SLCO6A1: variants seen among roughly 807,000 people sequenced by gnomAD.
SLCO6A1 encodes solute carrier organic anion transporter family member 6A1, also known as cancer/testis antigen 48.
A neutral mutation model predicts 72.7 loss-of-function variants in SLCO6A1; 65 were observed. That is an observed-to-expected ratio of 0.89 (90% confidence interval 0.73 to 1.10). The LOEUF (loss-of-function observed/expected upper bound fraction) is 1.10. Among genes scored for constraint, SLCO6A1 ranks in the 50% least tolerant of loss-of-function variants. The pLI is 0.00. For missense variants in SLCO6A1, 874 were observed against 872.6 expected (o/e 1.00, Z -0.02); for synonymous variants, 314 against 298.2 (o/e 1.05, Z -0.55).
At chr5:102,440,534 TA>T (rs1448266478) in intron 6 of SLCO6A1, among the ~76,000 whole-genome samples, 1 of 151,988 alleles carries the variant, frequency 6.6e-6, no homozygotes, top group Non-Finnish European at 1.5e-5. Context: ...GTAATAATAA[TA>T]GAAATAAAGT....
intron 7 of SLCO6A1, among the ~76,000 whole-genome samples, chr5:102,422,034 A>G (rs1748635004): frequency 6.6e-6 from 1 of 152,238 alleles, no homozygotes; most frequent in Non-Finnish European, 1.5e-5. Context: ...GAGAAGCCTT[A>G]CTGTTAGAAG....
At chr5:102,461,794 C>G (rs146899295) in intron 4 of SLCO6A1, among the ~76,000 whole-genome samples, 3 of 152,102 alleles carry the variant, frequency 2.0e-5, no homozygotes, top group Admixed American at 2.0e-4. Context: ...AACATACAAA[C>G]ACATTTACAA....
At chr5:102,443,500 G>A (rs1749952681) in intron 6 of SLCO6A1, among the ~76,000 whole-genome samples, 1 of 152,136 alleles carries the variant, frequency 6.6e-6, no homozygotes, top group Non-Finnish European at 1.5e-5. Flanking sequence ...TGTCCTTACT[G>A]GACATTGTTC....
At chr5:102,395,402 G>A (rs1289794812) in intron 10 of SLCO6A1, among the ~76,000 whole-genome samples, 2 of 152,010 alleles carry the variant, frequency 1.3e-5, no homozygotes, top group South Asian at 4.2e-4. Context: ...AGTATTCCAC[G>A]GTGTATATGT....
At chr5:102,477,543 T>C (rs1205117147) in intron 3 of SLCO6A1, 133 bp downstream of exon 3, 2 of 675,428 alleles carry the variant, frequency 3.0e-6, no homozygotes, top group Non-Finnish European at 4.8e-6. Flanking sequence ...TTTGGAGGTT[T>C]AGCATACCAA....
At chr5:102,382,634 T>G (rs1408553212) in intron 12 of SLCO6A1, among the ~76,000 whole-genome samples, 4 of 151,642 alleles carry the variant, frequency 2.6e-5, no homozygotes, top group African/African-American at 9.7e-5. Context: ...TATTTCCATC[T>G]ATTAGTGTCT....
intron 6 of SLCO6A1, among the ~76,000 whole-genome samples, chr5:102,453,831 A>G (rs974488517): frequency 1.3e-5 from 2 of 152,104 alleles, no homozygotes; most frequent in Non-Finnish European, 1.5e-5. Flanking sequence ...TAGGGCTTCC[A>G]CTTTTTGCTG....
rs1748084176 is a variant in SLCO6A1, at chr5:102,413,155, A to G, written c.1473-12T>C. 6.4e-7 allele frequency: 1 copy of G among 1,555,436 alleles called. No individual in the cohort carries two copies. Among genetic ancestry groups the G allele is most frequent in the African/African-American group, 1.4e-5 (1 of 71,532 alleles). On this transcript the variant is annotated splice_polypyrimidine_tract_variant and intron_variant, in intron 8 of 13. Transcript: ENST00000506729. The stretch of plus-strand genomic sequence containing the variant: ...CCAACTTCCCTGTTCTGTAAAAACA[A>G]GATTGAATGTAATCATATTACCATT...
intron 7 of SLCO6A1, among the ~76,000 whole-genome samples, chr5:102,420,932 G>A (rs1428193480): frequency 6.6e-6 from 1 of 152,072 alleles, no homozygotes; most frequent in Non-Finnish European, 1.5e-5. Flanking sequence ...TCATCTCACC[G>A]GGACTCATTA....
chr5:102,382,788 T>C (rs1007356440), intron 12 of SLCO6A1, among the ~76,000 whole-genome samples: 23 of 151,378 alleles, frequency 1.5e-4, no homozygotes, highest in African/African-American at 5.6e-4. Flanking sequence ...ATAGTTCTTG[T>C]TAGTTGTAGA....
At chr5:102,448,302 A>AT (rs1274863406) in intron 6 of SLCO6A1, among the ~76,000 whole-genome samples, 1 of 152,164 alleles carries the variant, frequency 6.6e-6, no homozygotes, top group African/African-American at 2.4e-5. Flanking sequence ...TGCGTGGTCA[A>AT]TTTTAGAGGA....
intron 4 of SLCO6A1, among the ~76,000 whole-genome samples, chr5:102,460,685 G>A (rs1750979318): frequency 6.6e-6 from 1 of 151,932 alleles, no homozygotes; most frequent in Non-Finnish European, 1.5e-5. Flanking sequence ...AGAAACCATA[G>A]TTTTGGAAGT....
At chr5:102,431,707 G>A (rs1394213596) in intron 7 of SLCO6A1, among the ~76,000 whole-genome samples, 2 of 152,160 alleles carry the variant, frequency 1.3e-5, no homozygotes, top group African/African-American at 4.8e-5. Flanking sequence ...TGTATATTCT[G>A]TTGTTTTTTT....
At chr5:102,431,871 C>A (rs564870819) in intron 7 of SLCO6A1, among the ~76,000 whole-genome samples, 1 of 152,228 alleles carries the variant, frequency 6.6e-6, no homozygotes, top group African/African-American at 2.4e-5. Flanking sequence ...GGGTCTAAGG[C>A]TCTTTGAAGG....
intron 7 of SLCO6A1, among the ~76,000 whole-genome samples, chr5:102,420,949 G>A (rs538107904): frequency 2.0e-5 from 3 of 152,236 alleles, no homozygotes; most frequent in East Asian, 1.9e-4. Flanking sequence ...ATTAGATAGC[G>A]GGTGTAGCCC....
At position 102,388,814 on chromosome 5, in the gene SLCO6A1, C is replaced by A; in HGVS notation, c.1891G>T (p.Gly631Ter). 1 of 1,595,676 alleles carries A rather than the reference C, an allele frequency of 6.3e-7. No homozygotes were observed. Among genetic ancestry groups the A allele is most frequent in the Non-Finnish European group, 8.5e-7 (1 of 1,175,300 alleles). ...CCTGACATTTTAAAGATTGATGGTC[C>A]AGGAATAGTCCCTATGAAAAATGCA... ...VILRIFGTIP[G>*]PSIFKMSGET... Residue 631 changes from glycine (G) to a stop codon, truncating the protein, a stop_gained, in exon 12 of 14, where the codon GGA becomes TGA. Transcript: ENST00000506729. LOFTEE classifies it high-confidence loss of function.
intron 1 of SLCO6A1, among the ~76,000 whole-genome samples, chr5:102,490,842 C>A (rs563580704): frequency 6.6e-5 from 10 of 152,164 alleles, no homozygotes; most frequent in African/African-American, 2.4e-4. Flanking sequence ...AGTGTGGACC[C>A]AAAGAGTGAG....
chr5:102,498,362 C>T (rs1753002284), intron 1 of SLCO6A1, 125 bp downstream of exon 1: 1 of 878,642 alleles, frequency 1.1e-6, no homozygotes, highest in Non-Finnish European at 1.7e-6. Context: ...AAAGCAGCCT[C>T]AGGCTGGGCC....
intron 7 of SLCO6A1, among the ~76,000 whole-genome samples, chr5:102,423,499 T>A (rs1580398234): frequency 6.6e-6 from 1 of 152,250 alleles, no homozygotes; most frequent in South Asian, 2.1e-4. Flanking sequence ...AAACAGACTT[T>A]AAACCAACAA....
Sources: gnomAD v4.1 joint callset for allele counts (sites outside exome capture counted in the v4.1 genomes callset) on GRCh38, gnomAD v4.1.1 for gene constraint, MANE v1.5 for transcripts, NCBI Gene and HGNC (gene_info 2026-07-23, HGNC 2026-07-21) for gene names.